ADAMTSL1: variants seen among roughly 807,000 people sequenced by gnomAD.
ADAMTSL1 encodes the protein ADAMTS like 1.
In ADAMTSL1, 126 loss-of-function variants were observed where a neutral mutation model predicts 201.8. That is an observed-to-expected ratio of 0.62 (90% confidence interval 0.54 to 0.72). The LOEUF (loss-of-function observed/expected upper bound fraction) is 0.72. ADAMTSL1 is among the 30% of genes least tolerant of loss of function. ADAMTSL1 has a pLI of 0.00. For synonymous variants in ADAMTSL1, 1,121 were observed against 903.4 expected (o/e 1.24, Z -4.32); for missense variants, 2,679 against 2,277.8 (o/e 1.18, Z -3.59).
At chr9:18,271,589 A>T (rs1263691710) in intron 2 of ADAMTSL1, among the ~76,000 whole-genome samples, 5 of 152,080 alleles carry the variant, frequency 3.3e-5, no homozygotes, top group Non-Finnish European at 7.4e-5. Context: ...TGGACATTTG[A>T]GTTGGTTCCA....
chr9:18,009,625 T>A (rs1345071435), intron 1 of ADAMTSL1, among the ~76,000 whole-genome samples: 1 of 152,000 alleles, frequency 6.6e-6, no homozygotes, highest in Non-Finnish European at 1.5e-5. Context: ...TAATGAGAGA[T>A]GTGTTGGTTT....
chr9:18,618,525 C>T lies in ADAMTSL1; in HGVS notation c.475-3718C>T, dbSNP rs539901542. Among the ~76,000 whole-genome samples, 64 of 113,856 alleles carry T rather than the reference C, an allele frequency of 5.6e-4. No individual in the cohort carries two copies. In the Middle Eastern group the frequency reaches 0.014, roughly 25 times the overall value. The allele number at this position is 113,856 out of a possible 152,430, so 74.7% of individuals were successfully genotyped here. ...TATATAATAATTTGAATTGGGTATA[C>T]ATGAAAAAAAAAACAAAATAATAGT... On this transcript the variant is annotated intron_variant, in intron 4 of 28. Transcript: ENST00000380548.
chr9:18,132,694 C>T (rs1227308562), intron 1 of ADAMTSL1, among the ~76,000 whole-genome samples: 1 of 152,112 alleles, frequency 6.6e-6, no homozygotes, highest in African/African-American at 2.4e-5. Flanking sequence ...TTTATCTTTC[C>T]ATTGTACCCT....
intron 1 of ADAMTSL1, among the ~76,000 whole-genome samples, chr9:18,067,497 C>G (rs1037248444): frequency 6.6e-6 from 1 of 151,866 alleles, no homozygotes. Context: ...AATCATTGTG[C>G]TCTTACTGTG....
chr9:18,551,246 G>C (rs1310000463), intron 3 of ADAMTSL1, among the ~76,000 whole-genome samples: 1 of 151,778 alleles, frequency 6.6e-6, no homozygotes, highest in East Asian at 1.9e-4. Context: ...TTTCCTATCT[G>C]TGGGTGCATT....
At chr9:18,183,703 A>G (rs751902297) in intron 2 of ADAMTSL1, among the ~76,000 whole-genome samples, 1 of 152,196 alleles carries the variant, frequency 6.6e-6, no homozygotes, top group Non-Finnish European at 1.5e-5. Flanking sequence ...TCAAAATCCA[A>G]ACGCTGACAT....
intron 1 of ADAMTSL1, among the ~76,000 whole-genome samples, chr9:18,063,197 AAGTT>A (rs1178668013): frequency 2.6e-5 from 4 of 152,120 alleles, no homozygotes; most frequent in Admixed American, 1.3e-4. Context: ...GTTTTTAAAA[AAGTT>A]AGTTGGGCAT....
At chr9:18,671,970 G>A (rs1249646624) in intron 9 of ADAMTSL1, among the ~76,000 whole-genome samples, 1 of 152,078 alleles carries the variant, frequency 6.6e-6, no homozygotes, top group East Asian at 1.9e-4. Flanking sequence ...CTGAGAGGAG[G>A]AGTTTGCAGT....
chr9:18,415,543 C>T (rs1818636555), intron 2 of ADAMTSL1, among the ~76,000 whole-genome samples: 1 of 152,042 alleles, frequency 6.6e-6, no homozygotes, highest in East Asian at 1.9e-4. Context: ...GACAAAGTAT[C>T]AGTCAGCTGT....
intron 20 of ADAMTSL1, among the ~76,000 whole-genome samples, chr9:18,806,127 C>T (rs1823101826): frequency 6.6e-6 from 1 of 152,334 alleles, no homozygotes; most frequent in African/African-American, 2.4e-5. Flanking sequence ...TGGATCCATC[C>T]ATTCAGGGTC....
intron 2 of ADAMTSL1, among the ~76,000 whole-genome samples, chr9:18,212,181 T>C (rs987131762): frequency 3.3e-5 from 5 of 152,028 alleles, no homozygotes; most frequent in Non-Finnish European, 7.4e-5. Flanking sequence ...TACCAGTTCC[T>C]GAAAAAAAGG....
At chr9:18,196,951 C>T (rs75885368) in intron 2 of ADAMTSL1, among the ~76,000 whole-genome samples, 1 of 152,254 alleles carries the variant, frequency 6.6e-6, no homozygotes, top group East Asian at 1.9e-4. Context: ...GCCCCTATAG[C>T]TTCACTCCCT....
chr9:18,886,265 G>C (rs543743140), intron 23 of ADAMTSL1, among the ~76,000 whole-genome samples: 32 of 135,854 alleles, frequency 2.4e-4, no homozygotes, highest in African/African-American at 8.5e-4. Flanking sequence ...CACACACACA[G>C]AAATTATCTG....
intron 2 of ADAMTSL1, among the ~76,000 whole-genome samples, chr9:18,362,644 G>A (rs973695790): frequency 6.6e-6 from 1 of 152,172 alleles, no homozygotes; most frequent in Non-Finnish European, 1.5e-5. Flanking sequence ...ACCATCAAAT[G>A]TCATGCATTT....
intron 21 of ADAMTSL1, among the ~76,000 whole-genome samples, chr9:18,818,272 C>A (rs1823988205): frequency 6.6e-6 from 1 of 150,996 alleles, no homozygotes; most frequent in Non-Finnish European, 1.5e-5. Context: ...AACCCAGGTT[C>A]CCCGATCATA....
intron 11 of ADAMTSL1, 185 bp from the exon 12 acceptor site, chr9:18,681,627 C>T (rs1830474930): frequency 4.8e-6 from 2 of 412,638 alleles, no homozygotes; most frequent in South Asian, 5.1e-5. Flanking sequence ...AGCTTCACCT[C>T]AAATAGCCAA....
At chr9:18,582,970 T>C (rs1327839256) in intron 4 of ADAMTSL1, among the ~76,000 whole-genome samples, 4 of 152,204 alleles carry the variant, frequency 2.6e-5, no homozygotes, top group African/African-American at 9.6e-5. Context: ...GAGACATGGC[T>C]ATCACCTTCT....
chr9:18,201,713 G>T (rs369150705), intron 2 of ADAMTSL1, among the ~76,000 whole-genome samples: 1 of 152,138 alleles, frequency 6.6e-6, no homozygotes, highest in Admixed American at 6.6e-5. Context: ...AGTGTAATAT[G>T]TAAGAGCATG....
At chr9:18,767,484 G>A (rs1257983787) in intron 16 of ADAMTSL1, among the ~76,000 whole-genome samples, 2 of 152,076 alleles carry the variant, frequency 1.3e-5, no homozygotes, top group East Asian at 1.9e-4. Flanking sequence ...TTGTTGGTTC[G>A]ATGTAAGAAT....
Sources: gnomAD v4.1 joint callset for allele counts (sites outside exome capture counted in the v4.1 genomes callset) on GRCh38, gnomAD v4.1.1 for gene constraint, MANE v1.5 for transcripts, NCBI Gene and HGNC (gene_info 2026-07-23, HGNC 2026-07-21) for gene names.